The following LINC00632 variants were observed in gnomAD, a reference collection of about 807,000 sequenced individuals.
The protein encoded by LINC00632 is ALDOA related specific transcript.
At chrX:140,726,969 C>A (rs1183524986) in intron 2 of LINC00632, among the ~76,000 whole-genome samples, 2 of 111,573 alleles carry the variant, frequency 1.8e-5, no homozygotes, top group Non-Finnish European at 3.8e-5. Flanking sequence ...ACTTGCCCCA[C>A]TCTGTATGGA....
At chrX:140,775,528 G>T (rs1466261999) in exon 5 of LINC00632, among the ~76,000 whole-genome samples, 2 of 112,170 alleles carry the variant, frequency 1.8e-5, no homozygotes, top group East Asian at 5.6e-4. Context: ...CTGGGGAATA[G>T]AGAGGAAGTC....
intron 3 of LINC00632, among the ~76,000 whole-genome samples, chrX:140,759,537 T>G (rs1229566989): frequency 1.2e-4 from 13 of 109,084 alleles, no homozygotes; most frequent in African/African-American, 1.7e-4. Context: ...AATTTTTTTT[T>G]TTGTTTACAG....
chrX:140,768,737 AATAT>A (rs1011046120), intron 3 of LINC00632, among the ~76,000 whole-genome samples: 7 of 98,884 alleles, frequency 7.1e-5, no homozygotes, highest in African/African-American at 2.2e-4. Context: ...TATATAATTA[AATAT>A]ATAACATATT....
chrX:140,735,721 C>G (rs1602740788), intron 3 of LINC00632, among the ~76,000 whole-genome samples: 1 of 110,748 alleles, frequency 9.0e-6, no homozygotes, highest in South Asian at 3.9e-4. Flanking sequence ...CATGTGCCAC[C>G]ACGCCCAACT....
At chrX:140,711,074 C>T (rs1930505040) in intron 1 of LINC00632, among the ~76,000 whole-genome samples, 1 of 111,453 alleles carries the variant, frequency 9.0e-6, no homozygotes. Flanking sequence ...ATAATGAGCT[C>T]GTTTTGCGTG....
chrX:140,732,064 C>T (rs1396042397), intron 2 of LINC00632, among the ~76,000 whole-genome samples: 3 of 110,688 alleles, frequency 2.7e-5, no homozygotes, highest in African/African-American at 9.9e-5. Context: ...ATTAGCTGGG[C>T]GTGGTGGCAG....
chrX:140,787,340 C>A (rs1569358536), exon 5 of LINC00632, among the ~76,000 whole-genome samples: 1 of 111,364 alleles, frequency 9.0e-6, no homozygotes, highest in Non-Finnish European at 1.9e-5. Context: ...AAATTGTGAA[C>A]AACTTTCTAT....
At chrX:140,784,435 C>G in exon 5 of LINC00632, 1 of 1,141,853 alleles carries the variant, frequency 8.8e-7, no homozygotes, top group Non-Finnish European at 1.2e-6. Flanking sequence ...TCCAACAAAT[C>G]CATGTCTTCC....
At chrX:140,719,823 C>T (rs1930696918) in intron 2 of LINC00632, among the ~76,000 whole-genome samples, 1 of 108,983 alleles carries the variant, frequency 9.2e-6, no homozygotes, top group Non-Finnish European at 1.9e-5. Context: ...GGTGTGGTGG[C>T]TCACGCCTGT....
chrX:140,735,435 ATTATATG>A (rs1223061574), intron 3 of LINC00632, among the ~76,000 whole-genome samples: 5 of 111,829 alleles, frequency 4.5e-5, no homozygotes, highest in African/African-American at 1.6e-4. Flanking sequence ...TTACATAACT[ATTATATG>A]TTATATTTTC....
chrX:140,719,972 C>T lies in LINC00632; in HGVS notation n.104+8316C>T, dbSNP rs1356153254. ...GCATGGTGGCGGGCACCTGTAATCC[C>T]AGTACTCAGGAGGTTGAGGCAGGAG... On this transcript the variant is annotated intron_variant and non_coding_transcript_variant, in intron 2 of 4. Transcript: ENST00000648200. Among the ~76,000 whole-genome samples the T allele has an allele frequency of 1.8e-5, 2 of 108,581 alleles. 1 individual carries two copies. The highest frequency in any genetic ancestry group is 6.7e-5 in the African/African-American group (2 of 29,668). The allele number at this position is 108,581 out of a possible 115,157, so 94.3% of individuals were successfully genotyped here.
chrX:140,772,072 T>G, intron 3 of LINC00632: 1 of 292,136 alleles, frequency 3.4e-6, no homozygotes, highest in African/African-American at 2.7e-5. Flanking sequence ...GTTTGCTTTT[T>G]CCTAGATGGT....
At chrX:140,758,967 T>TTC (rs1404881195) in intron 3 of LINC00632, among the ~76,000 whole-genome samples, 3 of 39,728 alleles carry the variant, frequency 7.6e-5, no homozygotes, top group African/African-American at 1.8e-4. Context: ...TTCTTTTCTT[T>TTC]TTTTTTTTTT....
At position 140,784,004 on chromosome X, in the gene LINC00632, C is replaced by G; in HGVS notation, n.12023C>G. 2 of 1,211,049 alleles carry G rather than the reference C, an allele frequency of 1.7e-6. No homozygotes were observed. The highest frequency in any genetic ancestry group is 3.5e-5 in the South Asian group (2 of 56,889). ...GACTATCCATGTCTTCCAGAAAATC[C>G]TTGTCTTCCCTTAAATCTATAGCTT... On this transcript the variant is annotated non_coding_transcript_exon_variant, in exon 5 of 5. Transcript: ENST00000648200.
intron 3 of LINC00632, among the ~76,000 whole-genome samples, chrX:140,743,094 G>A (rs968828983): frequency 1.7e-4 from 18 of 106,863 alleles, no homozygotes; most frequent in Non-Finnish European, 3.1e-4. Context: ...GCATAGTGGC[G>A]GGCACCTGTA....
intron 3 of LINC00632, among the ~76,000 whole-genome samples, chrX:140,756,338 G>A (rs1457308689): frequency 8.9e-6 from 1 of 112,576 alleles, no homozygotes; most frequent in Non-Finnish European, 1.9e-5. Context: ...TGTGGCTACA[G>A]TGAATAAAAA....
At chrX:140,750,424 T>G (rs1330716784) in intron 3 of LINC00632, among the ~76,000 whole-genome samples, 1 of 110,597 alleles carries the variant, frequency 9.0e-6, no homozygotes, top group Non-Finnish European at 1.9e-5. Context: ...ACCACAAAAA[T>G]AACTATGTGA....
At chrX:140,779,325 T>G (rs1330328875) in exon 5 of LINC00632, among the ~76,000 whole-genome samples, 1 of 112,119 alleles carries the variant, frequency 8.9e-6, no homozygotes, top group Non-Finnish European at 1.9e-5. Context: ...TTAGGAAACT[T>G]GTATTACATT....
At chrX:140,787,876 A>C (rs1344361930) in exon 5 of LINC00632, among the ~76,000 whole-genome samples, 4 of 108,417 alleles carry the variant, frequency 3.7e-5, no homozygotes, top group Non-Finnish European at 7.7e-5. Context: ...ATACACACTA[A>C]AATGTTGTTA....
Sources: allele counts gnomAD v4.1 joint callset (sites outside exome capture counted in the v4.1 genomes callset), GRCh38; gene constraint gnomAD v4.1.1; transcripts MANE v1.5; gene names NCBI Gene and HGNC (gene_info 2026-07-23, HGNC 2026-07-21).